The following STAC variants were observed in gnomAD, a reference collection of about 807,000 sequenced individuals.
STAC encodes the protein SH3 and cysteine rich domain, also known as SH3 and cysteine-rich domain-containing protein.
STAC carries 43 observed loss-of-function variants against 48.8 expected under a neutral mutation model. The observed-to-expected ratio is 0.88, with a 90% confidence interval of 0.69 to 1.14. The LOEUF is 1.14. Among genes scored for constraint, STAC ranks in the 50% most tolerant of loss-of-function variants. The pLI is 0.00. For missense variants in STAC, 497 were observed against 504.0 expected (o/e 0.99, Z 0.13); for synonymous variants, 193 against 179.5 (o/e 1.07, Z -0.60).
intron 1 of STAC, among the ~76,000 whole-genome samples, chr3:36,434,785 C>G (rs1234204507): frequency 1.3e-5 from 2 of 152,232 alleles, no homozygotes; most frequent in African/African-American, 4.8e-5. Flanking sequence ...ATTACATTCA[C>G]CTTCAGGCTG....
chr3:36,524,523 C>G (rs1295233766), intron 8 of STAC, among the ~76,000 whole-genome samples: 1 of 151,990 alleles, frequency 6.6e-6, no homozygotes, highest in Non-Finnish European at 1.5e-5. Flanking sequence ...ACCTGGGAGG[C>G]AGAGGTTGCA....
intron 2 of STAC, among the ~76,000 whole-genome samples, chr3:36,454,810 T>A (rs1262343962): frequency 6.6e-6 from 1 of 152,192 alleles, no homozygotes; most frequent in Non-Finnish European, 1.5e-5. Flanking sequence ...TGAAGTCTTA[T>A]ATGATCAAAT....
chr3:36,511,057 G>A (rs1355116095), intron 8 of STAC, among the ~76,000 whole-genome samples: 1 of 151,614 alleles, frequency 6.6e-6, no homozygotes, highest in Non-Finnish European at 1.5e-5. Context: ...TCCACTTGGT[G>A]GTAACTGAAA....
At chr3:36,416,081 T>G (rs1234770156) in intron 1 of STAC, among the ~76,000 whole-genome samples, 2 of 152,240 alleles carry the variant, frequency 1.3e-5, no homozygotes, top group African/African-American at 4.8e-5. Flanking sequence ...TCCTTTATTC[T>G]GTAATATAAT....
At chr3:36,531,111 T>A (rs1331754917) in intron 10 of STAC, among the ~76,000 whole-genome samples, 1 of 152,206 alleles carries the variant, frequency 6.6e-6, no homozygotes, top group Non-Finnish European at 1.5e-5. Flanking sequence ...TCATTGAAAC[T>A]GGCACTTTCA....
chr3:36,459,210 C>T (rs1696934288), intron 2 of STAC: 1 of 152,046 alleles, frequency 6.6e-6, no homozygotes. Context: ...TTTTTCCCCA[C>T]AGATGCTTCA....
intron 1 of STAC, among the ~76,000 whole-genome samples, chr3:36,386,393 T>C (rs778964827): frequency 5.4e-5 from 8 of 147,062 alleles, no homozygotes; most frequent in African/African-American, 9.7e-5. Context: ...ATTGCAGATA[T>C]TCTCTTCTAC....
chr3:36,410,825 T>C lies in STAC; in HGVS notation c.111+30071T>C, dbSNP rs374707087. On this transcript the variant is annotated intron_variant, in intron 1 of 10. Transcript: ENST00000273183. ...TTATCTTCAAATATTATATGTCTCA[T>C]AATCCACTTAGTTCAATCTGGTGCC... Among the ~76,000 whole-genome samples, 17 of 152,354 alleles carry C rather than the reference T, an allele frequency of 1.1e-4. No individual in the cohort carries two copies. The South Asian group carries it at 3.3e-3, about 30-fold the overall frequency.
At chr3:36,463,785 A>G (rs1412287005) in intron 2 of STAC, among the ~76,000 whole-genome samples, 1 of 150,966 alleles carries the variant, frequency 6.6e-6, no homozygotes, top group African/African-American at 2.4e-5. Context: ...TGTCCTTGCG[A>G]TAGTTTACTG....
chr3:36,383,553 C>A (rs2125609501), intron 1 of STAC, among the ~76,000 whole-genome samples: 1 of 151,696 alleles, frequency 6.6e-6, no homozygotes, highest in Non-Finnish European at 1.5e-5. Flanking sequence ...TTACATCTCT[C>A]AAGGATAAGG....
At position 36,484,503 on chromosome 3, in the gene STAC, T is replaced by C. The variant is rs146349432; in HGVS notation, c.490-474T>C. Among the ~76,000 whole-genome samples the C allele has an allele frequency of 7.5e-3, 1,138 of 152,294 alleles. 6 individuals are homozygous for C. Among genetic ancestry groups the C allele is most frequent in the South Asian group, 0.023 (110 of 4,822 alleles). ...AGAAAAACAGAGAATAGAATCCAGA[T>C]TACAGAGCAAATGATTCTGGCTAAA... On this transcript the variant is annotated intron_variant, in intron 3 of 10. Transcript: ENST00000273183.
rs1050981665 is a variant in STAC at position 36,486,327 on chromosome 3, A to G, written c.687+78A>G. On this transcript the variant is annotated intron_variant, in intron 5 of 10. Transcript: ENST00000273183. ...GGCCTCAGGCACTGCAGTATGGGGT[A>G]TTCCACCTGACTGCCTCATGAGGGC... 3.2e-6 allele frequency: 4 copies of G among 1,256,474 alleles called. No homozygotes were observed. In the Admixed American group the frequency reaches 8.1e-5, roughly 25 times the overall value. The allele number at this position is 1,256,474 out of a possible 1,614,324, so 77.8% of individuals were successfully genotyped here.
chr3:36,522,930 A>G (rs1698840941), intron 8 of STAC, among the ~76,000 whole-genome samples: 1 of 152,178 alleles, frequency 6.6e-6, no homozygotes, highest in South Asian at 2.1e-4. Flanking sequence ...ATCTTGCAGA[A>G]TAGTTCCATG....
intron 1 of STAC, among the ~76,000 whole-genome samples, chr3:36,391,693 C>T (rs1460858841): frequency 1.3e-5 from 2 of 152,260 alleles, no homozygotes; most frequent in South Asian, 2.1e-4. Flanking sequence ...TGATCCTGAG[C>T]GGGGCGGGCT....
At chr3:36,494,340 T>C (rs1160034485) in intron 6 of STAC, among the ~76,000 whole-genome samples, 1 of 152,168 alleles carries the variant, frequency 6.6e-6, no homozygotes, top group Non-Finnish European at 1.5e-5. Context: ...TTAGTCAAAG[T>C]CCTGCAGGAC....
intron 1 of STAC, among the ~76,000 whole-genome samples, chr3:36,435,010 GAGAC>G (rs758735601): frequency 3.3e-5 from 5 of 152,206 alleles, no homozygotes; most frequent in Non-Finnish European, 5.9e-5. Context: ...AAGAGCTTTG[GAGAC>G]AGAGAGATCT....
At chr3:36,439,606 G>A (rs1696273975) in intron 1 of STAC, among the ~76,000 whole-genome samples, 1 of 152,106 alleles carries the variant, frequency 6.6e-6, no homozygotes, top group Non-Finnish European at 1.5e-5. Flanking sequence ...TCATTTTAAT[G>A]TATTAAATGT....
intron 8 of STAC, among the ~76,000 whole-genome samples, chr3:36,519,733 T>C (rs1227314565): frequency 2.0e-5 from 3 of 152,182 alleles, no homozygotes. Flanking sequence ...GCAATATAAA[T>C]TGAACACATG....
intron 1 of STAC, among the ~76,000 whole-genome samples, chr3:36,392,741 C>T (rs1371138356): frequency 6.6e-6 from 1 of 152,058 alleles, no homozygotes; most frequent in African/African-American, 2.4e-5. Flanking sequence ...CTTACTGCTG[C>T]CTCCAGTTTA....
Sources: allele counts gnomAD v4.1 joint callset (sites outside exome capture counted in the v4.1 genomes callset), GRCh38; gene constraint gnomAD v4.1.1; transcripts MANE v1.5; gene names NCBI Gene and HGNC (gene_info 2026-07-23, HGNC 2026-07-21).